Variants in PLCB1 observed in about 807,000 individuals in gnomAD.
PLCB1 encodes phospholipase C beta 1.
In PLCB1, 46 loss-of-function variants were observed where a neutral mutation model predicts 161.8. That is an observed-to-expected ratio of 0.28 (90% CI 0.22 to 0.36). The LOEUF is 0.36. Ranked by LOEUF, PLCB1 falls within the 10% of genes least tolerant of loss-of-function variation. The pLI, the probability that PLCB1 is intolerant of heterozygous loss-of-function variation, is 1.00. For missense variants in PLCB1, 1,016 were observed against 1,472.5 expected, an observed-to-expected ratio of 0.69 and a Z score of 5.07; for synonymous variants, 517 against 503.7, an observed-to-expected ratio of 1.03 and a Z score of -0.35.
chr20:8,434,495 T>G (rs950471534), intron 3 of PLCB1, among the ~76,000 whole-genome samples: 1 of 152,234 alleles, frequency 6.6e-6, no homozygotes, highest in Admixed American at 6.5e-5. Context: ...TAAAACAGAT[T>G]AGATGTCCAA....
chr20:8,694,073 A>T (rs964118112), intron 10 of PLCB1, among the ~76,000 whole-genome samples: 2 of 152,258 alleles, frequency 1.3e-5, no homozygotes, highest in African/African-American at 4.8e-5. Flanking sequence ...TATTTATTCA[A>T]TATATTCAAA....
At position 8,301,023 on chromosome 20, in the gene PLCB1, C is replaced by G. The variant is rs6039131; in HGVS notation, c.178-70359C>G. Among the ~76,000 whole-genome samples, 774 of 152,268 alleles carry G rather than the reference C, an allele frequency of 5.1e-3. 9 individuals carry two copies. The highest frequency in any genetic ancestry group is 0.018 in the African/African-American group (732 of 41,562). ...TTGTGATGTACTTCTCACCCTGGACCAGAGTCAGGGCAGGAGTCAGTTCTA... is the reference window on the plus strand; with the variant it reads ...TTGTGATGTACTTCTCACCCTGGACGAGAGTCAGGGCAGGAGTCAGTTCTA... On this transcript the variant is annotated intron_variant, in intron 2 of 31. Coordinates refer to ENST00000338037, the MANE Select transcript of PLCB1 (RefSeq NM_015192.4).
In PLCB1 at chr20:8,549,860, C is replaced by T. The variant is rs1600146315; in HGVS notation, c.247-78434C>T. On this transcript the variant is annotated intron_variant, in intron 3 of 31. Transcript: ENST00000338037. ...GTGCTGAGATTACAGGCATGAGCCA[C>T]CACACCCGCGGAGATCTGATGGTTT... 2.0e-5 allele frequency among the ~76,000 whole-genome samples: 3 copies of T among 152,310 alleles called. No homozygotes were observed. The East Asian group carries it at 5.8e-4, about 29-fold the overall frequency.
intron 2 of PLCB1, among the ~76,000 whole-genome samples, chr20:8,182,101 G>A (rs1420280783): frequency 6.6e-6 from 1 of 152,168 alleles, no homozygotes; most frequent in Admixed American, 6.5e-5. Flanking sequence ...AGCGTTCACA[G>A]GAATTAGTCT....
intron 2 of PLCB1, among the ~76,000 whole-genome samples, chr20:8,307,294 C>T (rs1200259451): frequency 6.6e-6 from 1 of 152,146 alleles, no homozygotes; most frequent in African/African-American, 2.4e-5. Context: ...TTAACTGGTT[C>T]TAAAATAATG....
chr20:8,535,202 C>CAAAAAAAAAA (rs11323420), intron 3 of PLCB1, among the ~76,000 whole-genome samples: 4 of 52,794 alleles, frequency 7.6e-5, no homozygotes, highest in Admixed American at 3.1e-4. Flanking sequence ...AGTTTATGGG[C>CAAAAAAAAAA]AAAAAAAAAA....
chr20:8,527,858 A>T (rs1316362391), intron 3 of PLCB1, among the ~76,000 whole-genome samples: 2 of 152,104 alleles, frequency 1.3e-5, no homozygotes, highest in African/African-American at 4.8e-5. Context: ...TGGGAAATTA[A>T]AAAGTCATAA....
At chr20:8,377,224 G>A (rs1321804828) in intron 3 of PLCB1, among the ~76,000 whole-genome samples, 1 of 152,116 alleles carries the variant, frequency 6.6e-6, no homozygotes, top group African/African-American at 2.4e-5. Flanking sequence ...AGCCATAGTG[G>A]GGAAAGGTGT....
At chr20:8,176,555 TC>T (rs1231622097) in intron 2 of PLCB1, among the ~76,000 whole-genome samples, 15 of 152,148 alleles carry the variant, frequency 9.9e-5, no homozygotes, top group Non-Finnish European at 2.2e-4. Flanking sequence ...ACGATACTGT[TC>T]TATATCTTGA....
At position 8,831,974 on chromosome 20, in the gene PLCB1, CTTT is replaced by C. The variant is rs772708765; in HGVS notation, c.3423+41714_3423+41716del. On this transcript the variant is annotated intron_variant, in intron 31 of 31. Transcript: ENST00000338037. ...TCTTTCTTTCTTTCTTTCTTTCTTT[CTTT>C]CTTTCCTTCTTTCTTTCTGTGCTTC... Among the ~76,000 whole-genome samples the C allele has an allele frequency of 9.1e-4, 76 of 83,428 alleles. 11 individuals are homozygous for C. The highest frequency in any genetic ancestry group is 1.9e-3 in the African/African-American group (47 of 24,672). 54.7% of individuals were successfully genotyped at this position (83,428 alleles called of 152,430 possible).
At chr20:8,339,521 A>G (rs1418569810) in intron 2 of PLCB1, among the ~76,000 whole-genome samples, 1 of 152,216 alleles carries the variant, frequency 6.6e-6, no homozygotes, top group African/African-American at 2.4e-5. Flanking sequence ...ATTAAAAGTT[A>G]CACCATGCAG....
At chr20:8,539,784 CCTTCCTTT>C (rs1985234055) in intron 3 of PLCB1, among the ~76,000 whole-genome samples, 2 of 151,026 alleles carry the variant, frequency 1.3e-5, no homozygotes, top group South Asian at 4.2e-4. Context: ...TTCCTTCCTT[CCTTCCTTT>C]CTCTCTTCCA....
intron 3 of PLCB1, among the ~76,000 whole-genome samples, chr20:8,495,545 C>T (rs993309042): frequency 7.0e-6 from 1 of 142,492 alleles, no homozygotes; most frequent in African/African-American, 2.6e-5. Context: ...CTACAGGCGC[C>T]CGCCACCATG....
chr20:8,208,611 TGG>T (rs1978655048), intron 2 of PLCB1, among the ~76,000 whole-genome samples: 1 of 152,098 alleles, frequency 6.6e-6, no homozygotes, highest in Admixed American at 6.6e-5. Flanking sequence ...TTTAGTATCA[TGG>T]CATCTGTTTC....
At chr20:8,267,986 CTTT>C (rs1223753356) in intron 2 of PLCB1, among the ~76,000 whole-genome samples, 1 of 110,488 alleles carries the variant, frequency 9.1e-6, no homozygotes, top group African/African-American at 3.5e-5. Context: ...TATTATTATA[CTTT>C]AAGTTCTAGG....
intron 3 of PLCB1, among the ~76,000 whole-genome samples, chr20:8,608,912 T>C (rs1402862750): frequency 1.3e-5 from 2 of 152,306 alleles, no homozygotes; most frequent in South Asian, 2.1e-4. Flanking sequence ...ATGGCCTCTG[T>C]AATTTGGCAC....
rs746489248 is a variant in PLCB1, at chr20:8,760,405, A to T, written c.2657-2A>T. 1 of 1,589,998 alleles carries T rather than the reference A, an allele frequency of 6.3e-7. No individual in the cohort carries two copies. On this transcript the variant is annotated splice_acceptor_variant, in intron 24 of 31. Coordinates refer to ENST00000338037, the MANE Select transcript of PLCB1 (RefSeq NM_015192.4). LOFTEE classifies it high-confidence loss of function. ...CTATTTATTTTATCTTTTATATTAC[A>T]GGTTCTGTAAAGGCACCTGCCAAAA...
intron 9 of PLCB1, among the ~76,000 whole-genome samples, chr20:8,684,229 A>ATTAATTAT (rs1555783089): frequency 6.9e-6 from 1 of 145,148 alleles, no homozygotes; most frequent in African/African-American, 2.5e-5. Flanking sequence ...CCACTTGTAA[A>ATTAATTAT]TTATTTATTT....
chr20:8,780,813 C>T (rs1233113959), intron 27 of PLCB1, among the ~76,000 whole-genome samples: 2 of 152,168 alleles, frequency 1.3e-5, no homozygotes, highest in African/African-American at 4.8e-5. Flanking sequence ...GCATGACCAC[C>T]TGAATGTCAA....
Sources: allele counts gnomAD v4.1 joint callset (sites outside exome capture counted in the v4.1 genomes callset), GRCh38; gene constraint gnomAD v4.1.1; transcripts MANE v1.5; gene names NCBI Gene and HGNC (gene_info 2026-07-23, HGNC 2026-07-21).